The following KCNH5 variants were observed in gnomAD, a reference collection of about 807,000 sequenced individuals.
KCNH5 encodes potassium voltage-gated channel subfamily H member 5, also known as voltage-gated delayed rectifier potassium channel KCNH5.
A neutral mutation model predicts 96.1 loss-of-function variants in KCNH5; 46 were observed. The observed-to-expected ratio is 0.48, with a 90% CI of 0.38 to 0.61. KCNH5 has a LOEUF of 0.61. Ranked by LOEUF, KCNH5 falls within the 20% of genes least tolerant of loss-of-function variation. The pLI, the probability that KCNH5 is intolerant of heterozygous loss-of-function variation, is 0.00. For missense variants in KCNH5, 907 were observed against 1,225.8 expected, an observed-to-expected ratio of 0.74 and a Z score of 3.88; for synonymous variants, 439 against 449.8, an observed-to-expected ratio of 0.98 and a Z score of 0.30.
rs981071627 is a variant in KCNH5 at position 63,006,368 on chromosome 14, T to G, written c.302A>C (p.Asn101Thr). The G allele has an allele frequency of 2.5e-6, 4 of 1,596,020 alleles. No homozygotes were observed. In the Admixed American group the frequency reaches 6.7e-5, roughly 27 times the overall value. The change falls in exon 3 of 11, where the codon AAC (asparagine) becomes ACC (threonine). Residue 101 changes from asparagine (N) to threonine (T), a missense_variant and splice_region_variant. Asn to Thr is a moderately conservative substitution (Grantham distance 65). Transcript: ENST00000322893. The part of the protein sequence containing the change: ...NCFEVLLYKK[N>T]RTPVWFYMQI... Reference sequence around the variant, plus strand: ...TTATTAATAATTGAGATACCTACTGTTTTTCTTGTACAGAAGAACTTCAAA... The same window carrying G: ...TTATTAATAATTGAGATACCTACTGGTTTTCTTGTACAGAAGAACTTCAAA...
In KCNH5 at chr14:63,045,233, G is replaced by T; in HGVS notation, c.-47C>A. On this transcript the variant is annotated 5_prime_UTR_variant, in exon 1 of 11. Transcript: ENST00000322893. ...CCAGGATCCGCGGCGGGGGAGGGGG[G>T]GATGCAGGCAAAGAAGGTGGAGGAA... is the stretch of plus-strand genomic sequence containing the variant. 3.5e-6 allele frequency: 5 copies of T among 1,417,470 alleles called. No homozygotes were observed. Among genetic ancestry groups the T allele is most frequent in the Non-Finnish European group, 4.0e-6 (4 of 1,005,710 alleles). 87.8% of individuals were successfully genotyped at this position (1,417,470 alleles called of 1,614,324 possible). A position where few individuals can be genotyped will look rare whatever the true frequency, so the allele number is the denominator to read the frequency against.
At chr14:62,870,084 G>A (rs866511073) in intron 7 of KCNH5, among the ~76,000 whole-genome samples, 32 of 146,488 alleles carry the variant, frequency 2.2e-4, no homozygotes, top group African/African-American at 8.3e-4. Context: ...CTGCAAAAGA[G>A]ACCTTTTAGG....
intron 7 of KCNH5, among the ~76,000 whole-genome samples, chr14:62,923,966 C>G (rs10150703): frequency 1.3e-5 from 2 of 151,534 alleles, no homozygotes; most frequent in African/African-American, 4.8e-5. Flanking sequence ...AAAACAAACA[C>G]GTGGGACCAC....
intron 1 of KCNH5, among the ~76,000 whole-genome samples, chr14:63,025,064 G>A (rs140521080): frequency 5.9e-5 from 9 of 152,212 alleles, no homozygotes; most frequent in Non-Finnish European, 1.3e-4. Context: ...TTCCTGAGAT[G>A]CAAGGATTGT....
At chr14:62,957,820 T>G (rs1890133651) in intron 6 of KCNH5, among the ~76,000 whole-genome samples, 1 of 152,188 alleles carries the variant, frequency 6.6e-6, no homozygotes, top group Admixed American at 6.5e-5. Context: ...CCTAGCCAAC[T>G]CAGCGGCTGA....
At chr14:62,745,451 T>C (rs572502029) in intron 10 of KCNH5, among the ~76,000 whole-genome samples, 1 of 152,346 alleles carries the variant, frequency 6.6e-6, no homozygotes, top group South Asian at 2.1e-4. Context: ...TGGTATGAAA[T>C]GTTCAAAAAC....
chr14:62,937,725 G>A (rs1041416073), intron 7 of KCNH5, among the ~76,000 whole-genome samples: 5 of 152,176 alleles, frequency 3.3e-5, no homozygotes, highest in Admixed American at 3.3e-4. Context: ...TGTTCACAAG[G>A]CTGTCTAGTT....
chr14:62,771,374 C>A (rs1488776114), intron 10 of KCNH5, among the ~76,000 whole-genome samples: 4 of 152,100 alleles, frequency 2.6e-5, no homozygotes, highest in African/African-American at 9.7e-5. Flanking sequence ...CACCTGTAAT[C>A]CCAGCACTTT....
rs551953033 is a variant in KCNH5, at chr14:62,828,142, G to A, written c.1569+21511C>T. 3.3e-5 allele frequency among the ~76,000 whole-genome samples: 5 copies of A among 151,804 alleles called. No homozygotes were observed. In the South Asian group the frequency reaches 1.0e-3, roughly 32 times the overall value. ...GCCCCTATATTTCTATTTCTATACT[G>A]ATTTTTTTGGATTTCTGACTCATGA... On this transcript the variant is annotated intron_variant, in intron 8 of 10. Transcript: ENST00000322893.
chr14:62,824,321 C>T (rs965055920), intron 8 of KCNH5, among the ~76,000 whole-genome samples: 1 of 151,904 alleles, frequency 6.6e-6, no homozygotes, highest in Non-Finnish European at 1.5e-5. Context: ...CATTCTTAAG[C>T]ACCACAGGTC....
At chr14:62,766,329 TATACCCAAAAGGAA>T (rs1403373190) in intron 10 of KCNH5, among the ~76,000 whole-genome samples, 2 of 152,194 alleles carry the variant, frequency 1.3e-5, no homozygotes, top group African/African-American at 4.8e-5. Flanking sequence ...CTGCTGGGTA[TATACCCAAAAGGAA>T]GGAAATCAGT....
intron 7 of KCNH5, among the ~76,000 whole-genome samples, chr14:62,884,908 A>G (rs1289455360): frequency 6.6e-6 from 1 of 152,232 alleles, no homozygotes; most frequent in Non-Finnish European, 1.5e-5. Flanking sequence ...GACACAAACT[A>G]AATGCTTTAA....
intron 8 of KCNH5, among the ~76,000 whole-genome samples, chr14:62,842,590 G>T (rs1887608270): frequency 1.3e-5 from 2 of 152,138 alleles, no homozygotes; most frequent in African/African-American, 2.4e-5. Context: ...ATGATATGCT[G>T]GTTTCTTATA....
intron 8 of KCNH5, among the ~76,000 whole-genome samples, chr14:62,807,280 A>G (rs1400731741): frequency 6.6e-6 from 1 of 152,170 alleles, no homozygotes; most frequent in Non-Finnish European, 1.5e-5. Context: ...AAACTTGCAT[A>G]TGAAAAATCT....
chr14:63,010,093 G>A (rs1891197737), intron 2 of KCNH5, among the ~76,000 whole-genome samples: 1 of 152,046 alleles, frequency 6.6e-6, no homozygotes, highest in Non-Finnish European at 1.5e-5. Flanking sequence ...TTTATTGAAA[G>A]GAAAATAGAA....
rs140326197 is a variant in KCNH5 at position 62,903,292 on chromosome 14, C to A, written c.1369+46841G>T. Among the ~76,000 whole-genome samples, 356 of 152,242 alleles carry A rather than the reference C, an allele frequency of 2.3e-3. 7 individuals carry two copies. The highest frequency in any genetic ancestry group is 0.021 in the South Asian group (99 of 4,824). ...CACACACACCCTTGTACTACCAAATCTCAGTTCATTCCTCATCTGTATTAT... is the reference window on the plus strand; with the variant it reads ...CACACACACCCTTGTACTACCAAATATCAGTTCATTCCTCATCTGTATTAT... On this transcript the variant is annotated intron_variant, in intron 7 of 10. Coordinates refer to ENST00000322893, the MANE Select transcript of KCNH5 (RefSeq NM_139318.5).
chr14:62,980,834 G>T, intron 6 of KCNH5, 38 bp downstream of exon 6: 2 of 1,589,468 alleles, frequency 1.3e-6, no homozygotes, highest in South Asian at 1.2e-5. Flanking sequence ...CAAAATATAT[G>T]ACCCACAGTA....
intron 7 of KCNH5, among the ~76,000 whole-genome samples, chr14:62,854,731 G>A (rs1887896570): frequency 6.6e-6 from 1 of 151,790 alleles, no homozygotes; most frequent in South Asian, 2.1e-4. Context: ...TGCTAATTGT[G>A]CAAGCTAATC....
At chr14:62,904,983 C>A (rs975614239) in intron 7 of KCNH5, among the ~76,000 whole-genome samples, 2 of 152,186 alleles carry the variant, frequency 1.3e-5, no homozygotes, top group African/African-American at 2.4e-5. Context: ...TCAAAATATA[C>A]GCTACCATGG....
Sources: gnomAD v4.1 joint callset for allele counts (sites outside exome capture counted in the v4.1 genomes callset) on GRCh38, gnomAD v4.1.1 for gene constraint, MANE v1.5 for transcripts, NCBI Gene and HGNC (gene_info 2026-07-23, HGNC 2026-07-21) for gene names.